The following SLC5A12 variants were observed in gnomAD, a reference collection of about 807,000 sequenced individuals.
The protein encoded by SLC5A12 is solute carrier family 5 member 12.
Under a neutral mutation model 72.7 loss-of-function variants are expected in SLC5A12, and 46 were observed. The observed-to-expected ratio is 0.63, with a 90% CI of 0.50 to 0.81. The LOEUF is 0.81. Ranked by LOEUF, SLC5A12 falls within the 30% of genes least tolerant of loss-of-function variation. The pLI, the probability that SLC5A12 is intolerant of heterozygous loss-of-function variation, is 0.00. For missense variants in SLC5A12, 683 were observed against 740.7 expected, an observed-to-expected ratio of 0.92 and a Z score of 0.90; for synonymous variants, 275 against 264.4, an observed-to-expected ratio of 1.04 and a Z score of -0.39.
At position 26,683,823 on chromosome 11, in the gene SLC5A12, G is replaced by A. The variant is rs1590713379; in HGVS notation, c.1242C>T (p.Gly414=). 2.5e-6 allele frequency: 4 copies of A among 1,596,988 alleles called. No individual in the cohort carries two copies. The highest frequency in any genetic ancestry group is 3.4e-6 in the Non-Finnish European group (4 of 1,172,274). ...AGCCCAGCATTGGTCCTCCACACAT[G>A]CCGTGAATGCTGAGGGAAGCCTGTG... is the stretch of plus-strand genomic sequence containing the variant. ...GVVQASLSIH[G]MCGGPMLGLF... Residue 414 remains glycine, a synonymous_variant, in exon 11 of 15, where the codon GGC becomes GGT. Transcript: ENST00000396005.
At chr11:26,687,263 AT>A (rs1375213329) in intron 9 of SLC5A12, among the ~76,000 whole-genome samples, 1 of 152,234 alleles carries the variant, frequency 6.6e-6, no homozygotes, top group East Asian at 1.9e-4. Context: ...TTGTTTAAAA[AT>A]AATCTCAAAA....
chr11:26,717,761 G>A (rs542309619), intron 1 of SLC5A12, among the ~76,000 whole-genome samples: 1 of 152,294 alleles, frequency 6.6e-6, no homozygotes, highest in East Asian at 1.9e-4. Flanking sequence ...TGTAGCTTCA[G>A]TAACTTGGAA....
rs111398193 is a variant in SLC5A12 at position 26,667,320 on chromosome 11, G to T, written c.*3782C>A. On this transcript the variant is annotated 3_prime_UTR_variant, in exon 15 of 15. Coordinates refer to ENST00000396005, the MANE Select transcript of SLC5A12 (RefSeq NM_178498.4). The stretch of plus-strand genomic sequence containing the variant: ...AAGGGGAGACTCCTCTATTTTTTCC[G>T]TATCTGATCTTTGTAATAATGTTTG... 4 of 151,764 alleles carry T rather than the reference G, an allele frequency of 2.6e-5. No homozygotes were observed. The highest frequency in any genetic ancestry group is 5.9e-5 in the Non-Finnish European group (4 of 67,840). The allele number at this position is 151,764 out of a possible 1,614,324, so 9.4% of individuals were successfully genotyped here.
At chr11:26,723,345 T>C (rs537297324), upstream of SLC5A12, 1 of 151,034 alleles carries the variant, frequency 6.6e-6, no homozygotes, top group Non-Finnish European at 1.5e-5. Flanking sequence ...GCTGTCTGTG[T>C]CCTCTGTTTA....
intron 10 of SLC5A12, among the ~76,000 whole-genome samples, chr11:26,684,625 G>A (rs1854487377): frequency 6.6e-6 from 1 of 152,020 alleles, no homozygotes; most frequent in African/African-American, 2.4e-5. Flanking sequence ...GTGGGCCCAG[G>A]ATACTCATCT....
chr11:26,707,051 T>C (rs1013693324), intron 4 of SLC5A12, among the ~76,000 whole-genome samples: 2 of 151,904 alleles, frequency 1.3e-5, no homozygotes, highest in Non-Finnish European at 2.9e-5. Context: ...CTGTAAGTGC[T>C]AAATTCTCTT....
At chr11:26,703,712 T>C (rs1855018073) in intron 5 of SLC5A12, 41 bp from the exon 6 acceptor site, 1 of 1,613,336 alleles carries the variant, frequency 6.2e-7, no homozygotes, top group Non-Finnish European at 8.5e-7. Flanking sequence ...GATATTCCTT[T>C]GATGCCTAAG....
At chr11:26,701,143 C>G (rs925613354) in intron 6 of SLC5A12, among the ~76,000 whole-genome samples, 1 of 138,594 alleles carries the variant, frequency 7.2e-6, no homozygotes, top group Non-Finnish European at 1.5e-5. Flanking sequence ...ACAGATGGGA[C>G]CCCCCTCACC....
chr11:26,697,020 T>A, intron 8 of SLC5A12, 144 bp downstream of exon 8: 1 of 697,408 alleles, frequency 1.4e-6, no homozygotes, highest in Non-Finnish European at 2.4e-6. Context: ...ATATGTTGTG[T>A]ACCAATTAAT....
chr11:26,674,695 G>T (rs1016347531), intron 13 of SLC5A12, among the ~76,000 whole-genome samples: 10 of 152,096 alleles, frequency 6.6e-5, no homozygotes, highest in Non-Finnish European at 1.5e-4. Flanking sequence ...TAGCCACTAT[G>T]CCTGGCCCAA....
chr11:26,694,269 G>A (rs1417760706), intron 8 of SLC5A12, among the ~76,000 whole-genome samples: 2 of 152,188 alleles, frequency 1.3e-5, no homozygotes, highest in East Asian at 1.9e-4. Context: ...TTGTGCTTGT[G>A]GCAGTAGTAA....
chr11:26,710,352 A>C (rs1049693873), intron 3 of SLC5A12, among the ~76,000 whole-genome samples: 4 of 152,186 alleles, frequency 2.6e-5, no homozygotes, highest in Non-Finnish European at 5.9e-5. Context: ...TTATAACAGA[A>C]TGATTATAAT....
intron 14 of SLC5A12, among the ~76,000 whole-genome samples, chr11:26,672,750 C>T (rs189527460): frequency 1.3e-5 from 2 of 152,222 alleles, no homozygotes; most frequent in East Asian, 3.9e-4. Flanking sequence ...CTTAATAGAA[C>T]TTGGACAGTG....
At chr11:26,683,925 G>T (rs551824714) in intron 10 of SLC5A12, 82 bp from the exon 11 acceptor site, 1 of 1,059,218 alleles carries the variant, frequency 9.4e-7, no homozygotes, top group Admixed American at 2.0e-5. Context: ...CTTGGACCTG[G>T]GATAATATTG....
rs1289204987 is a variant in SLC5A12 at position 26,668,118 on chromosome 11, T to C, written c.*2984A>G. The C allele has an allele frequency of 6.6e-6, 1 of 152,008 alleles. No homozygotes were observed. The highest frequency in any genetic ancestry group is 2.4e-5 in the African/African-American group (1 of 41,408). 9.4% of individuals were successfully genotyped at this position (152,008 alleles called of 1,614,324 possible). On this transcript the variant is annotated 3_prime_UTR_variant, in exon 15 of 15. Transcript: ENST00000396005. ...AAAATATTGCCCAAAATTACCTAGA[T>C]TTGTGTCAGAACTCGTGTTTGAACC...
At position 26,681,191 on chromosome 11, in the gene SLC5A12, T is replaced by C. The variant is rs1223211253; in HGVS notation, c.1339A>G (p.Thr447Ala). 4.4e-6 allele frequency: 7 copies of C among 1,606,960 alleles called. No homozygotes were observed. The South Asian group carries it at 7.8e-5, about 18-fold the overall frequency. Reference sequence around the variant, plus strand: ...CCAATGGCCACCCAAAATGACAAGGTGATTCCAGTAAGAAGACCTCCTAGT... The same window carrying C: ...CCAATGGCCACCCAAAATGACAAGGCGATTCCAGTAAGAAGACCTCCTAGT... ...GALGGLLTGI[T>A]LSFWVAIGAF... Residue 447 changes from threonine (T) to alanine (A), a missense_variant, in exon 12 of 15, where the codon ACC (threonine) becomes GCC (alanine). Transcript: ENST00000396005.
upstream of SLC5A12, among the ~76,000 whole-genome samples, chr11:26,722,855 G>A (rs1403137938): frequency 6.7e-6 from 1 of 150,332 alleles, no homozygotes; most frequent in African/African-American, 2.5e-5. Context: ...CCTCTACAAA[G>A]CTTGTGTATT....
chr11:26,671,497 T>G (rs888124735), intron 14 of SLC5A12, among the ~76,000 whole-genome samples: 1 of 152,114 alleles, frequency 6.6e-6, no homozygotes, highest in African/African-American at 2.4e-5. Flanking sequence ...TCGTGTTGCA[T>G]GAAGAAATTT....
chr11:26,706,310 A>C (rs1051747910), intron 4 of SLC5A12, among the ~76,000 whole-genome samples: 2 of 152,038 alleles, frequency 1.3e-5, no homozygotes, highest in Non-Finnish European at 2.9e-5. Context: ...TCTTGTGAAC[A>C]ATAGGAAGTA....
Sources: allele counts gnomAD v4.1 joint callset (sites outside exome capture counted in the v4.1 genomes callset), GRCh38; gene constraint gnomAD v4.1.1; transcripts MANE v1.5; gene names NCBI Gene and HGNC (gene_info 2026-07-23, HGNC 2026-07-21).